Variants in CEP350 observed in about 807,000 individuals in gnomAD.
CEP350 encodes the protein centrosomal protein 350.
A neutral mutation model predicts 331.8 loss-of-function variants in CEP350; 126 were observed. The ratio of observed to expected loss-of-function variants is 0.38; its 90% CI spans 0.33 to 0.44. The LOEUF is 0.44. CEP350 is among the 20% of genes least tolerant of loss of function. The pLI is 1.00. For synonymous variants in CEP350, 1,200 were observed against 1,259.5 expected (o/e 0.95, Z 1.00); for missense variants, 3,406 against 3,634.6 (o/e 0.94, Z 1.62).
At chr1:180,003,087 C>T (rs531366221) in intron 6 of CEP350, 87 bp from the exon 7 acceptor site, 5 of 799,558 alleles carry the variant, frequency 6.3e-6, no homozygotes, top group East Asian at 2.7e-5. Context: ...TTATGTATGT[C>T]GATTATATAT....
Position 180,095,696 on chromosome 1 carries a change from T to C in CEP350, c.8685T>C (p.Ile2895=), listed in dbSNP as rs1660444987. The change falls in exon 35 of 38, where the codon ATT becomes ATC. Residue 2895 remains isoleucine, a synonymous_variant. Transcript: ENST00000367607. ...AAAAAAATAAGGCAGAAGAAACCAT[T>C]GTACCTCTAATGGCAGAACCTAAAA... ...KIQKNKAEET[I]VPLMAEPKRV... is the part of the protein sequence containing the mutation. 1.2e-6 allele frequency: 2 copies of C among 1,614,004 alleles called. No homozygotes were observed. Among genetic ancestry groups the C allele is most frequent in the Non-Finnish European group, 1.7e-6 (2 of 1,179,886 alleles).
intron 3 of CEP350, among the ~76,000 whole-genome samples, chr1:179,988,937 T>C (rs1652846563): frequency 6.6e-6 from 1 of 152,114 alleles, no homozygotes; most frequent in Admixed American, 6.5e-5. Context: ...ATGTTTTCTA[T>C]AGTGTAGAAA....
intron 36 of CEP350, among the ~76,000 whole-genome samples, chr1:180,098,249 G>A (rs1291877914): frequency 2.6e-5 from 4 of 152,176 alleles, no homozygotes; most frequent in Non-Finnish European, 4.4e-5. Context: ...GATTACAGGC[G>A]TGAGCCACCG....
chr1:180,042,980 A>G, intron 19 of CEP350, 76 bp from the exon 20 acceptor site: 1 of 1,479,074 alleles, frequency 6.8e-7, no homozygotes, highest in Middle Eastern at 1.8e-4. Flanking sequence ...TTTCTTTCCA[A>G]GACACTATGC....
chr1:179,967,638 C>T (rs1651115972), intron 1 of CEP350, among the ~76,000 whole-genome samples: 1 of 152,134 alleles, frequency 6.6e-6, no homozygotes. Flanking sequence ...TCTCCAACTC[C>T]TGACCCCAGG....
chr1:179,987,563 C>T (rs1232423240), intron 3 of CEP350, among the ~76,000 whole-genome samples: 1 of 149,718 alleles, frequency 6.7e-6, no homozygotes, highest in African/African-American at 2.4e-5. Context: ...TAAATGACAA[C>T]TATTAAATGG....
At chr1:180,050,382 G>C (rs1167483892) in intron 22 of CEP350, among the ~76,000 whole-genome samples, 1 of 152,052 alleles carries the variant, frequency 6.6e-6, no homozygotes. Context: ...ATAATAGAAG[G>C]CTGGGTGCAG....
intron 4 of CEP350, 48 bp from the exon 5 acceptor site, chr1:179,992,014 C>T: frequency 6.9e-7 from 1 of 1,456,126 alleles, no homozygotes; most frequent in South Asian, 1.5e-5. Flanking sequence ...AATTCAGAGG[C>T]AGTTGTATTT....
At chr1:180,052,732 C>G (rs1657592361) in intron 22 of CEP350, among the ~76,000 whole-genome samples, 1 of 151,994 alleles carries the variant, frequency 6.6e-6, no homozygotes, top group African/African-American at 2.4e-5. Context: ...TAAGAGCTCT[C>G]TAAATTTTTT....
intron 22 of CEP350, among the ~76,000 whole-genome samples, chr1:180,050,672 C>CAAAAAAA (rs1657431493): frequency 1.0e-5 from 1 of 96,536 alleles, no homozygotes; most frequent in African/African-American, 5.1e-5. Flanking sequence ...TCCAAAAAAA[C>CAAAAAAA]CAAAAAAAAA....
chr1:179,995,934 T>C (rs1338294609), intron 5 of CEP350, among the ~76,000 whole-genome samples: 2 of 152,228 alleles, frequency 1.3e-5, no homozygotes, highest in African/African-American at 4.8e-5. Flanking sequence ...AAGTGACATA[T>C]ATGAAATGCC....
At chr1:180,022,872 A>G (rs770136130) in intron 13 of CEP350, 24 bp downstream of exon 13, 2 of 1,555,846 alleles carry the variant, frequency 1.3e-6, no homozygotes, top group Non-Finnish European at 1.7e-6. Context: ...GCAATATGGA[A>G]TAAACTCTGA....
chr1:179,975,251 T>TA (rs749163927), intron 1 of CEP350, among the ~76,000 whole-genome samples: 25 of 151,258 alleles, frequency 1.7e-4, no homozygotes, highest in African/African-American at 3.2e-4. Flanking sequence ...CAGTTTTGCT[T>TA]AAAAAAAAAT....
Position 180,014,131 on chromosome 1 carries a change from G to T in CEP350, c.1678G>T (p.Val560Leu). The change falls in exon 10 of 38, where the codon GTA becomes TTA. Residue 560 changes from valine to leucine, a missense_variant. Physicochemically the swap from Val to Leu is conservative, Grantham distance 32 (BLOSUM62 1). This residue lies in a region of CEP350 where 1,857 missense variants were observed against 1,909.2 expected (regional missense o/e 0.97). Coordinates refer to ENST00000367607, the MANE Select transcript of CEP350 (RefSeq NM_014810.5). ...ELQNQKSSAP[V>L]HAPRSHSPVK... is the part of the protein sequence containing the mutation. ...ACAGAACCAGAAGTCATCAGCACCA[G>T]TACATGCTCCTAGGAGTCACAGCCC... 1.2e-6 allele frequency: 2 copies of T among 1,610,004 alleles called. No individual in the cohort carries two copies. Among genetic ancestry groups the T allele is most frequent in the South Asian group, 1.1e-5 (1 of 90,266 alleles).
chr1:179,995,194 T>C (rs1369199186), intron 5 of CEP350, among the ~76,000 whole-genome samples: 2 of 152,162 alleles, frequency 1.3e-5, no homozygotes, highest in Non-Finnish European at 2.9e-5. Context: ...GTCCAGCCTG[T>C]TGTTAGGTCT....
chr1:180,039,381 G>A (rs915813828), intron 17 of CEP350, among the ~76,000 whole-genome samples: 5 of 151,938 alleles, frequency 3.3e-5, no homozygotes, highest in Non-Finnish European at 7.4e-5. Flanking sequence ...ATTCTCTTAC[G>A]TTTTTTTCCA....
In CEP350 at chr1:180,041,773, A is replaced by T; in HGVS notation, c.4333A>T (p.Thr1445Ser). 1 of 1,613,060 alleles carries T rather than the reference A, an allele frequency of 6.2e-7. No homozygotes were observed. The highest frequency in any genetic ancestry group is 8.5e-7 in the Non-Finnish European group (1 of 1,179,464). Residue 1445 changes from threonine (T) to serine (S), a missense_variant, in exon 19 of 38, where the codon ACC becomes TCC. Thr to Ser is a moderately conservative substitution (Grantham distance 58). Around this residue, in one of 5 missense-constraint regions of CEP350, gnomAD observed 1,857 missense variants for 1,909.2 expected, o/e 0.97. Transcript: ENST00000367607. ...TCAGCAGTCAGAAACTGCTCGCCTC[A>T]CCACAGACGCAGCACGTCAAATCTG... Reference protein sequence around the residue: ...AAQQSETARLTTDAARQICEM... With the variant: ...AAQQSETARLSTDAARQICEM...
chr1:180,094,022 T>G lies in CEP350; in HGVS notation c.7917T>G (p.Asn2639Lys), dbSNP rs762631961. The G allele has an allele frequency of 2.5e-6, 4 of 1,613,580 alleles. No individual in the cohort carries two copies. The Admixed American group carries it at 5.0e-5, about 20-fold the overall frequency. Reference sequence around the variant, plus strand: ...GAAGCCTTAAAATAGAAACAGACAATGTACAGGACATTTCTGGGGTACTTG... The same window carrying G: ...GAAGCCTTAAAATAGAAACAGACAAGGTACAGGACATTTCTGGGGTACTTG... Reference protein sequence around the residue: ...RSRSLKIETDNVQDISGVLEA... With the variant: ...RSRSLKIETDKVQDISGVLEA... Residue 2639 changes from asparagine to lysine, a missense_variant, in exon 34 of 38, where the codon AAT (asparagine) becomes AAG (lysine). By Grantham distance (94) the Asn-to-Lys change is moderately conservative. Coordinates refer to ENST00000367607, the MANE Select transcript of CEP350 (RefSeq NM_014810.5).
intron 27 of CEP350, among the ~76,000 whole-genome samples, chr1:180,066,620 G>A (rs1658563460): frequency 6.6e-6 from 1 of 152,032 alleles, no homozygotes; most frequent in African/African-American, 2.4e-5. Flanking sequence ...TGAAAATACA[G>A]TTTTTAAAAA....
Sources: allele counts gnomAD v4.1 joint callset (sites outside exome capture counted in the v4.1 genomes callset), GRCh38; gene constraint gnomAD v4.1.1; regional missense constraint gnomAD v4.1.1; transcripts MANE v1.5; gene names NCBI Gene and HGNC (gene_info 2026-07-23, HGNC 2026-07-21).